BTBD1: variants seen among roughly 807,000 people sequenced by gnomAD.
BTBD1 encodes the protein BTB/POZ domain-containing protein 1.
In BTBD1, 34 loss-of-function variants were observed where a neutral mutation model predicts 48.0. The ratio of observed to expected loss-of-function variants is 0.71; its 90% confidence interval spans 0.54 to 0.94. BTBD1 has a LOEUF of 0.94. Among genes scored for constraint, BTBD1 ranks in the 40% least tolerant of loss-of-function variants. The probability of loss-of-function intolerance (pLI) is 0.00; values close to 1 mark genes in which losing one functional copy is unlikely to be tolerated. For synonymous variants in BTBD1, 261 were observed against 242.1 expected, an observed-to-expected ratio of 1.08 and a Z score of -0.72; for missense variants, 543 against 625.6, an observed-to-expected ratio of 0.87 and a Z score of 1.41.
rs145986677 is a variant in BTBD1 at position 83,044,674 on chromosome 15, A to G, written c.665-2749T>C. 3.6e-3 allele frequency: 5,467 copies of G among 1,504,514 alleles called. 160 individuals carry two copies. In the African/African-American group the frequency reaches 0.064, roughly 18 times the overall value. 93.2% of individuals were successfully genotyped at this position (1,504,514 alleles called of 1,614,324 possible). ...CAGCATCAGGAGTGGGATGGGAAGG[A>G]AAACACAATAACAAGAAAACTGAAA... On this transcript the variant is annotated intron_variant, in intron 3 of 7. Coordinates refer to ENST00000261721, the MANE Select transcript of BTBD1 (RefSeq NM_025238.4).
At chr15:83,063,622 C>T (rs967386318) in intron 1 of BTBD1, among the ~76,000 whole-genome samples, 1 of 152,158 alleles carries the variant, frequency 6.6e-6, no homozygotes, top group East Asian at 1.9e-4. Flanking sequence ...CCACCACCTC[C>T]GCCTCCCCAA....
Position 83,020,839 on chromosome 15 carries a change from G to A in BTBD1, c.1056-77C>T, listed in dbSNP as rs1175767072. On this transcript the variant is annotated intron_variant, in intron 5 of 7. Coordinates refer to ENST00000261721, the MANE Select transcript of BTBD1 (RefSeq NM_025238.4). ...TCTGAAGGGTTATAATTTTTTTTAA[G>A]TGTAACCTGGAACATCCAGTTTTGC... 4 of 869,172 alleles carry A rather than the reference G, an allele frequency of 4.6e-6. No homozygotes were observed. In the African/African-American group the frequency reaches 6.9e-5, roughly 15 times the overall value. 53.8% of individuals were successfully genotyped at this position (869,172 alleles called of 1,614,324 possible).
At chr15:83,054,990 G>A (rs2033058316) in intron 2 of BTBD1, among the ~76,000 whole-genome samples, 1 of 152,144 alleles carries the variant, frequency 6.6e-6, no homozygotes, top group Admixed American at 6.6e-5. Context: ...TTTCCCGTTT[G>A]TAAAATGAGA....
intron 2 of BTBD1, among the ~76,000 whole-genome samples, chr15:83,055,773 A>G (rs1040703058): frequency 6.6e-6 from 1 of 152,210 alleles, no homozygotes; most frequent in African/African-American, 2.4e-5. Context: ...GAACAAAGAC[A>G]TTCATAAAAT....
chr15:83,059,736 C>T (rs1387249577), intron 1 of BTBD1, among the ~76,000 whole-genome samples: 1 of 152,158 alleles, frequency 6.6e-6, no homozygotes, highest in East Asian at 1.9e-4. Context: ...GCACATGCCA[C>T]TAGGCTCAGC....
At chr15:83,032,373 C>T (rs1163138640) in intron 4 of BTBD1, among the ~76,000 whole-genome samples, 3 of 151,796 alleles carry the variant, frequency 2.0e-5, no homozygotes, top group African/African-American at 7.3e-5. Flanking sequence ...AGCAATTCCA[C>T]CACTGGATAC....
Position 83,067,085 on chromosome 15 carries a change from CG to C in BTBD1, c.66del (p.Ala23ArgfsTer33), listed in dbSNP as rs1567116026. The C allele has an allele frequency of 6.5e-7, 1 of 1,528,652 alleles. No individual in the cohort carries two copies. Among genetic ancestry groups the C allele is most frequent in the Non-Finnish European group, 8.7e-7 (1 of 1,144,072 alleles). The allele number at this position is 1,528,652 out of a possible 1,614,324, so 94.7% of individuals were successfully genotyped here. On this transcript the variant is annotated frameshift_variant, in exon 1 of 8. Coordinates refer to ENST00000261721, the MANE Select transcript of BTBD1 (RefSeq NM_025238.4). LOFTEE classifies it high-confidence loss of function. ...QASGAEAEPG[P>X]AGPPPPPSPS... ...GGTGAGGGCGGCGGCGGCGGCCCCGCGGGGCCCGGCTCCGCCTCAGCCCCCG... is the reference window on the plus strand; with the variant it reads ...GGTGAGGGCGGCGGCGGCGGCCCCGCGGGCCCGGCTCCGCCTCAGCCCCCG...
Position 83,041,849 on chromosome 15 carries a change from C to T in BTBD1, c.741G>A (p.Trp247Ter), listed in dbSNP as rs1307075324. The T allele has an allele frequency of 1.2e-6, 2 of 1,614,096 alleles. No homozygotes were observed. Among genetic ancestry groups the T allele is most frequent in the Admixed American group, 1.7e-5 (1 of 60,010 alleles). Reference protein sequence around the residue: ...ESRLFGAVVRWAEAECQRQQL... With the variant: ...ESRLFGAVVR ...GTTGTCTCTGACATTCTGCTTCTGC[C>T]CAGCGTACAACAGCTCCAAAAAGTC... The change falls in exon 4 of 8, where the codon TGG (tryptophan) becomes TGA (stop). Residue 247 changes from tryptophan to a stop codon, truncating the protein, a stop_gained. Transcript: ENST00000261721. LOFTEE classifies it high-confidence loss of function.
chr15:83,037,336 C>G (rs781740035), intron 4 of BTBD1, among the ~76,000 whole-genome samples: 1 of 152,070 alleles, frequency 6.6e-6, no homozygotes, highest in Non-Finnish European at 1.5e-5. Context: ...TCATGGCCAG[C>G]CTGAGCAACA....
intron 1 of BTBD1, among the ~76,000 whole-genome samples, chr15:83,057,865 A>C (rs2033114306): frequency 6.6e-6 from 1 of 152,208 alleles, no homozygotes; most frequent in Non-Finnish European, 1.5e-5. Context: ...TCCAAAACAG[A>C]AATGTTGGCT....
chr15:83,056,280 T>C, intron 2 of BTBD1, 109 bp downstream of exon 2: 1 of 683,710 alleles, frequency 1.5e-6, no homozygotes. Context: ...AATCATTTTA[T>C]ATACTTTAAA....
intron 2 of BTBD1, among the ~76,000 whole-genome samples, chr15:83,051,384 C>A (rs1359140387): frequency 6.6e-6 from 1 of 151,520 alleles, no homozygotes; most frequent in East Asian, 1.9e-4. Context: ...TGATAAATAT[C>A]TAAACAATTA....
At chr15:83,038,345 A>T (rs1479724075) in intron 4 of BTBD1, among the ~76,000 whole-genome samples, 1 of 152,178 alleles carries the variant, frequency 6.6e-6, no homozygotes, top group Non-Finnish European at 1.5e-5. Flanking sequence ...TATTTTTACC[A>T]AGTAAAAGAT....
At chr15:83,055,622 A>G (rs1310296498) in intron 2 of BTBD1, among the ~76,000 whole-genome samples, 3 of 152,260 alleles carry the variant, frequency 2.0e-5, no homozygotes, top group African/African-American at 4.8e-5. Context: ...CAGAAAAAGA[A>G]TATTTCACAT....
intron 4 of BTBD1, among the ~76,000 whole-genome samples, chr15:83,032,089 G>A (rs1035796451): frequency 5.3e-5 from 8 of 152,104 alleles, no homozygotes; most frequent in East Asian, 1.9e-4. Flanking sequence ...TTGGGAGGCC[G>A]AGGCAGGCAG....
chr15:83,047,722 T>C (rs576293902), intron 3 of BTBD1, among the ~76,000 whole-genome samples: 2 of 152,324 alleles, frequency 1.3e-5, no homozygotes, highest in South Asian at 2.1e-4. Context: ...GAACTACCTA[T>C]TGACTATAAT....
chr15:83,033,354 A>G (rs1367265409), intron 4 of BTBD1, among the ~76,000 whole-genome samples: 12 of 152,190 alleles, frequency 7.9e-5, no homozygotes, highest in Admixed American at 7.9e-4. Context: ...GCCCAGATAG[A>G]AGCACACATC....
At chr15:83,044,640 G>C (rs1241647697) in intron 3 of BTBD1, 1 of 1,550,216 alleles carries the variant, frequency 6.5e-7, no homozygotes, top group African/African-American at 1.4e-5. Context: ...TGCAGATGGT[G>C]CATTGGTTCA....
Position 83,027,965 on chromosome 15 carries a change from TCC to T in BTBD1, c.1055+2169_1055+2170del, listed in dbSNP as rs925660574. Reference sequence around the variant, plus strand: ...ATATTTTACTATCAATTACATTTATTCCCCTTTATATTATAACTAGATCACTT... The same window carrying T: ...ATATTTTACTATCAATTACATTTATTCCTTTATATTATAACTAGATCACTT... On this transcript the variant is annotated intron_variant, in intron 5 of 7. Transcript: ENST00000261721. 3.9e-5 allele frequency among the ~76,000 whole-genome samples: 6 copies of T among 152,236 alleles called. No homozygotes were observed. The South Asian group carries it at 6.2e-4, about 16-fold the overall frequency.
Sources: gnomAD v4.1 joint callset for allele counts (sites outside exome capture counted in the v4.1 genomes callset) on GRCh38, gnomAD v4.1.1 for gene constraint, MANE v1.5 for transcripts, NCBI Gene and HGNC (gene_info 2026-07-23, HGNC 2026-07-21) for gene names.